Variants in GLG1 observed in about 807,000 individuals in gnomAD.
GLG1 encodes the protein Golgi apparatus protein 1.
Under a neutral mutation model 160.5 loss-of-function variants are expected in GLG1, and 38 were observed. The observed-to-expected ratio is 0.24, with a 90% CI of 0.18 to 0.31. GLG1 has a LOEUF of 0.31. Among genes scored for constraint, GLG1 ranks in the 10% least tolerant of loss-of-function variants. GLG1 has a pLI of 1.00. For synonymous variants in GLG1, 644 were observed against 543.4 expected (o/e 1.19, Z -2.57); for missense variants, 1,373 against 1,505.2 (o/e 0.91, Z 1.45).
chr16:74,551,476 T>C (rs1269476645), intron 1 of GLG1, among the ~76,000 whole-genome samples: 1 of 149,764 alleles, frequency 6.7e-6, no homozygotes, highest in Non-Finnish European at 1.5e-5. Flanking sequence ...GGCTATTTTT[T>C]TTTTTTTTTT....
chr16:74,548,144 T>C (rs751186705), intron 1 of GLG1, among the ~76,000 whole-genome samples: 22 of 152,210 alleles, frequency 1.4e-4, no homozygotes, highest in East Asian at 1.2e-3. Flanking sequence ...GGGTAAGAAC[T>C]TGACTCACAA....
chr16:74,456,883 C>A, intron 24 of GLG1, 128 bp from the exon 25 acceptor site: 1 of 671,526 alleles, frequency 1.5e-6, no homozygotes, highest in Non-Finnish European at 2.6e-6. Context: ...AAGTTAAATA[C>A]ATACTAGGAA....
chr16:74,462,724 A>G (rs1354701691), intron 20 of GLG1, 94 bp from the exon 21 acceptor site: 2 of 1,121,628 alleles, frequency 1.8e-6, no homozygotes, highest in Non-Finnish European at 2.7e-6. Flanking sequence ...TATTATGTCA[A>G]TGATCATGAC....
At chr16:74,462,714 T>G in intron 20 of GLG1, 84 bp from the exon 21 acceptor site, 1 of 1,243,318 alleles carries the variant, frequency 8.0e-7, no homozygotes, top group East Asian at 2.3e-5. Flanking sequence ...AAAGGGAGCA[T>G]ATTATGTCAA....
At position 74,521,679 on chromosome 16, in the gene GLG1, T is replaced by C. The variant is rs183486514; in HGVS notation, c.471+10442A>G. On this transcript the variant is annotated intron_variant, in intron 2 of 25. Coordinates refer to ENST00000422840, the MANE Select transcript of GLG1 (RefSeq NM_001145667.2). ...AAAGTAGAAATGTGGAATCAGCAGC[T>C]AAAGTCTGAGGTTCTATGGAAAGGT... Among the ~76,000 whole-genome samples the C allele has an allele frequency of 7.2e-5, 11 of 152,240 alleles. No individual in the cohort carries two copies. The East Asian group carries it at 1.7e-3, about 24-fold the overall frequency.
At chr16:74,506,581 CA>C (rs56175030) in intron 3 of GLG1, among the ~76,000 whole-genome samples, 19 of 39,048 alleles carry the variant, frequency 4.9e-4, no homozygotes, top group Admixed American at 2.6e-3. Context: ...GACTCCGTCT[CA>C]AAAAAAAAAA....
chr16:74,553,716 A>T (rs887467791), intron 1 of GLG1, among the ~76,000 whole-genome samples: 1 of 151,740 alleles, frequency 6.6e-6, no homozygotes, highest in African/African-American at 2.4e-5. Context: ...CTCGTGATCC[A>T]CCCGCCTCGG....
intron 4 of GLG1, among the ~76,000 whole-genome samples, chr16:74,497,301 C>T (rs2016228173): frequency 6.6e-6 from 1 of 151,192 alleles, no homozygotes; most frequent in African/African-American, 2.4e-5. Context: ...AAAACACACA[C>T]ACACACACAC....
chr16:74,496,062 A>G (rs979510925), intron 5 of GLG1, among the ~76,000 whole-genome samples: 3 of 152,200 alleles, frequency 2.0e-5, no homozygotes, highest in African/African-American at 7.2e-5. Flanking sequence ...CCAGGGGTTC[A>G]AGACCAGTCC....
intron 1 of GLG1, among the ~76,000 whole-genome samples, chr16:74,585,771 A>C (rs1380436840): frequency 6.6e-6 from 1 of 151,962 alleles, no homozygotes; most frequent in African/African-American, 2.4e-5. Context: ...AGTTATCTAA[A>C]GTAAGATTTG....
At chr16:74,590,740 T>C (rs1359179335) in intron 1 of GLG1, among the ~76,000 whole-genome samples, 4 of 141,200 alleles carry the variant, frequency 2.8e-5, no homozygotes, top group Admixed American at 2.3e-4. Context: ...GAGGCTGCAG[T>C]GAGCCGTGAT....
At chr16:74,472,459 G>C in intron 13 of GLG1, 48 bp from the exon 14 acceptor site, 1 of 1,430,500 alleles carries the variant, frequency 7.0e-7, no homozygotes, top group Non-Finnish European at 9.8e-7. Flanking sequence ...AAAGAGCCAG[G>C]GTGGAGGAGG....
intron 3 of GLG1, among the ~76,000 whole-genome samples, chr16:74,506,637 T>C (rs574199326): frequency 8.1e-4 from 119 of 146,068 alleles, no homozygotes; most frequent in Admixed American, 2.2e-3. Flanking sequence ...TTTTGAACTG[T>C]AGCCTCAATA....
chr16:74,489,811 G>A (rs2015920347), intron 8 of GLG1, among the ~76,000 whole-genome samples: 1 of 152,174 alleles, frequency 6.6e-6, no homozygotes, highest in Non-Finnish European at 1.5e-5. Flanking sequence ...ATGCACTGGT[G>A]TCTACTCTGG....
At chr16:74,573,145 C>A (rs2018884363) in intron 1 of GLG1, among the ~76,000 whole-genome samples, 1 of 152,044 alleles carries the variant, frequency 6.6e-6, no homozygotes, top group African/African-American at 2.4e-5. Context: ...AGATAATTGA[C>A]ACATAAGCCC....
At chr16:74,510,556 A>C (rs1284332670) in intron 2 of GLG1, among the ~76,000 whole-genome samples, 1 of 152,320 alleles carries the variant, frequency 6.6e-6, no homozygotes. Flanking sequence ...AGATGTATGT[A>C]TATATTCATT....
In GLG1 at chr16:74,601,842, C is replaced by T. The variant is rs183516841; in HGVS notation, c.438+4815G>A. Among the ~76,000 whole-genome samples, 17 of 152,262 alleles carry T rather than the reference C, an allele frequency of 1.1e-4. No individual in the cohort carries two copies. The East Asian group carries it at 2.9e-3, about 26-fold the overall frequency. On this transcript the variant is annotated intron_variant, in intron 1 of 25. Coordinates refer to ENST00000422840, the MANE Select transcript of GLG1 (RefSeq NM_001145667.2). ...CACAGACTAATGTCCTTAGCTACAA[C>T]CACCCATGGTACATTAGAAAGAGTA...
intron 5 of GLG1, among the ~76,000 whole-genome samples, chr16:74,495,817 A>C (rs193208893): frequency 1.0e-3 from 153 of 152,324 alleles, no homozygotes; most frequent in South Asian, 7.7e-3. Flanking sequence ...CTAAGTGGAG[A>C]TCATTAGAAG....
chr16:74,477,257 A>C (rs2015415999), intron 12 of GLG1, 139 bp downstream of exon 12: 1 of 731,344 alleles, frequency 1.4e-6, no homozygotes, highest in African/African-American at 1.8e-5. Context: ...AATTTCTTCC[A>C]GAGAAAATAT....
Sources: allele counts gnomAD v4.1 joint callset (sites outside exome capture counted in the v4.1 genomes callset), GRCh38; gene constraint gnomAD v4.1.1; transcripts MANE v1.5; gene names NCBI Gene and HGNC (gene_info 2026-07-23, HGNC 2026-07-21).